Variants in SPECC1 observed in about 807,000 individuals in gnomAD.
SPECC1 encodes the protein cytospin-B.
A neutral mutation model predicts 104.1 loss-of-function variants in SPECC1; 62 were observed. The ratio of observed to expected loss-of-function variants is 0.60; its 90% confidence interval spans 0.49 to 0.74. SPECC1 has a LOEUF of 0.74. Among genes scored for constraint, SPECC1 ranks in the 30% least tolerant of loss-of-function variants. The pLI is 0.00. For missense variants in SPECC1, 1,306 were observed against 1,310.5 expected (o/e 1.00, Z 0.05); for synonymous variants, 513 against 501.6 (o/e 1.02, Z -0.30).
intron 3 of SPECC1, among the ~76,000 whole-genome samples, chr17:20,111,063 C>G (rs116730405): frequency 6.6e-6 from 1 of 152,154 alleles, no homozygotes; most frequent in Non-Finnish European, 1.5e-5. Context: ...CAGTGTTACT[C>G]ATTTTTTAAG....
chr17:20,228,485 C>A (rs957716004), intron 5 of SPECC1, among the ~76,000 whole-genome samples: 1 of 152,112 alleles, frequency 6.6e-6, no homozygotes, highest in African/African-American at 2.4e-5. Flanking sequence ...TCACAGGGAC[C>A]CTTCCTAAGG....
chr17:20,182,128 T>TTTTTTTC (rs1353214117), intron 3 of SPECC1, among the ~76,000 whole-genome samples: 2 of 150,842 alleles, frequency 1.3e-5, no homozygotes, highest in East Asian at 3.9e-4. Flanking sequence ...TCTTTTTTTT[T>TTTTTTTC]TGGAGACAGG....
intron 3 of SPECC1, among the ~76,000 whole-genome samples, chr17:20,150,405 C>T (rs1002718793): frequency 4.6e-5 from 7 of 151,490 alleles, no homozygotes; most frequent in African/African-American, 7.3e-5. Flanking sequence ...TTTGGGAGGC[C>T]GAGGCGGGCA....
At chr17:20,277,627 G>A (rs2040616236) in intron 12 of SPECC1, among the ~76,000 whole-genome samples, 1 of 152,072 alleles carries the variant, frequency 6.6e-6, no homozygotes, top group African/African-American at 2.4e-5. Context: ...CAGTTCAGGG[G>A]CATGAAGCAC....
chr17:20,189,379 C>T (rs1420795223), intron 3 of SPECC1, among the ~76,000 whole-genome samples: 6 of 152,168 alleles, frequency 3.9e-5, no homozygotes, highest in Non-Finnish European at 8.8e-5. Context: ...AAGCGCTCCT[C>T]CAGCCACTTC....
chr17:20,103,951 C>T (rs1262985799), intron 2 of SPECC1, among the ~76,000 whole-genome samples: 2 of 152,158 alleles, frequency 1.3e-5, no homozygotes, highest in Non-Finnish European at 2.9e-5. Context: ...GGGAGCCCCA[C>T]CCTCTGCTCA....
At chr17:20,190,933 C>T (rs1268109418) in intron 3 of SPECC1, among the ~76,000 whole-genome samples, 2 of 152,086 alleles carry the variant, frequency 1.3e-5, no homozygotes, top group East Asian at 3.9e-4. Flanking sequence ...GCAAAAGGAC[C>T]ATAGTTTTAC....
intron 14 of SPECC1, among the ~76,000 whole-genome samples, chr17:20,311,373 A>ATTTTTTT (rs749854561): frequency 6.8e-5 from 10 of 146,276 alleles, no homozygotes; most frequent in African/African-American, 2.5e-4. Flanking sequence ...CTTCCAGTAC[A>ATTTTTTT]TTTTTTTTTT....
intron 4 of SPECC1, among the ~76,000 whole-genome samples, chr17:20,222,264 C>T (rs1425430017): frequency 1.3e-5 from 2 of 151,808 alleles, no homozygotes; most frequent in South Asian, 2.1e-4. Context: ...ACCCAGGAGG[C>T]GGAGGTTGCA....
intron 12 of SPECC1, among the ~76,000 whole-genome samples, chr17:20,280,744 TGG>T (rs1237698207): frequency 2.0e-5 from 3 of 152,190 alleles, no homozygotes; most frequent in Non-Finnish European, 2.9e-5. Context: ...ATGGGGCTGG[TGG>T]CTGTCGTATG....
intron 3 of SPECC1, among the ~76,000 whole-genome samples, chr17:20,139,293 A>C (rs1255316929): frequency 1.3e-5 from 2 of 152,044 alleles, no homozygotes; most frequent in African/African-American, 4.8e-5. Context: ...TGCCCGTTGT[A>C]CTCCAGAAAC....
chr17:20,221,105 A>T (rs1335140458), intron 4 of SPECC1, among the ~76,000 whole-genome samples: 1 of 152,018 alleles, frequency 6.6e-6, no homozygotes, highest in Non-Finnish European at 1.5e-5. Context: ...TTCACCAGGG[A>T]TATTGGCCTA....
At position 20,031,822 on chromosome 17, in the gene SPECC1, C is replaced by G. The variant is rs539795749; in HGVS notation, c.-22+22398C>G. On this transcript the variant is annotated intron_variant, in intron 1 of 14. Coordinates refer to ENST00000395527, the MANE Select transcript of SPECC1 (RefSeq NM_001243439.2). The stretch of plus-strand genomic sequence containing the variant: ...TTCTCAAGGTTTAGCCATGTTGTAG[C>G]ATGTGTCAGAATTTCATTCCTTTTT... Among the ~76,000 whole-genome samples the G allele has an allele frequency of 1.1e-4, 16 of 152,310 alleles. No individual in the cohort carries two copies. The South Asian group carries it at 3.3e-3, about 32-fold the overall frequency.
intron 1 of SPECC1, among the ~76,000 whole-genome samples, chr17:20,053,569 T>A (rs1443934160): frequency 6.6e-6 from 1 of 152,200 alleles, no homozygotes; most frequent in African/African-American, 2.4e-5. Context: ...CTCCTTGCTC[T>A]CTCTCTCAGA....
At position 20,129,725 on chromosome 17, in the gene SPECC1, TTTGTTG is replaced by T. The variant is rs143256718; in HGVS notation, c.283+19181_283+19186del. ...TCAAAATTCTTTGCCTAGAGCCAGT[TTTGTTG>T]TTGTTGTTGTTGTTGTTTTGTTTGT... is the stretch of plus-strand genomic sequence containing the variant. On this transcript the variant is annotated intron_variant, in intron 3 of 14. Transcript: ENST00000395527. 2.7e-3 allele frequency among the ~76,000 whole-genome samples: 405 copies of T among 151,274 alleles called. 2 individuals are homozygous for T. Among genetic ancestry groups the T allele is most frequent in the Middle Eastern group, 6.8e-3 (2 of 294 alleles).
At chr17:20,257,124 G>C (rs2039861183) in intron 10 of SPECC1, among the ~76,000 whole-genome samples, 1 of 152,144 alleles carries the variant, frequency 6.6e-6, no homozygotes, top group Non-Finnish European at 1.5e-5. Flanking sequence ...TAAAACAAAA[G>C]ATACTACCTG....
At chr17:20,156,644 C>A (rs2032578233) in intron 3 of SPECC1, among the ~76,000 whole-genome samples, 1 of 152,182 alleles carries the variant, frequency 6.6e-6, no homozygotes, top group Non-Finnish European at 1.5e-5. Flanking sequence ...GTGGCGCCCG[C>A]GGCTCTGCCC....
chr17:20,227,436 G>A lies in SPECC1; in HGVS notation c.1887G>A (p.Leu629=), dbSNP rs752875950. ...LAKVEKDYSY[L]KEICDHQAEQ... ...AGGTGGAAAAGGATTATTCATACCT[G>A]AAGGAGATATGTGATCACCAAGCCG... Residue 629 remains leucine (L), a synonymous_variant, in exon 5 of 15, where the codon CTG becomes CTA. Transcript: ENST00000395527. 7 of 1,612,268 alleles carry A rather than the reference G, an allele frequency of 4.3e-6. No homozygotes were observed. In the African/African-American group the frequency reaches 9.4e-5, roughly 22 times the overall value.
chr17:20,034,100 T>G (rs1343679378), intron 1 of SPECC1, among the ~76,000 whole-genome samples: 1 of 152,154 alleles, frequency 6.6e-6, no homozygotes, highest in East Asian at 1.9e-4. Context: ...ATATTCTTTT[T>G]TTTTTTTTTC....
Sources: gnomAD v4.1 joint callset for allele counts (sites outside exome capture counted in the v4.1 genomes callset) on GRCh38, gnomAD v4.1.1 for gene constraint, MANE v1.5 for transcripts, NCBI Gene and HGNC (gene_info 2026-07-23, HGNC 2026-07-21) for gene names.